SGCB: variants seen among roughly 807,000 people sequenced by gnomAD.
SGCB encodes sarcoglycan beta.
SGCB carries 25 observed loss-of-function variants against 27.3 expected under a neutral mutation model. That is an observed-to-expected ratio of 0.92 (90% CI 0.67 to 1.28). The LOEUF is 1.28. Ranked by LOEUF, SGCB falls within the 50% of genes most tolerant of loss-of-function variation. The pLI is 0.00. For synonymous variants in SGCB, 147 were observed against 133.5 expected (o/e 1.10, Z -0.70); for missense variants, 436 against 402.1 (o/e 1.08, Z -0.72).
At chr4:52,027,632 CAA>C (rs71660472) in intron 5 of SGCB, among the ~76,000 whole-genome samples, 1 of 102,092 alleles carries the variant, frequency 9.8e-6, no homozygotes, top group Admixed American at 9.6e-5. Flanking sequence ...GATCATTATA[CAA>C]AAAAAAAAAG....
chr4:52,031,039 T>A (rs1268657945), intron 2 of SGCB, among the ~76,000 whole-genome samples: 1 of 152,218 alleles, frequency 6.6e-6, no homozygotes, highest in Non-Finnish European at 1.5e-5. Flanking sequence ...GTATTCTTTA[T>A]ACATAACCTG....
Position 52,031,793 on chromosome 4 carries a change from T to C in SGCB, c.243+1638A>G, listed in dbSNP as rs1737253298. Reference sequence around the variant, plus strand: ...GTATTCATACTTAGTGATGAATTCATAGAAAATTATTTGAGGGGTAGGGCT... The same window carrying C: ...GTATTCATACTTAGTGATGAATTCACAGAAAATTATTTGAGGGGTAGGGCT... On this transcript the variant is annotated intron_variant, in intron 2 of 5. Transcript: ENST00000381431. The C allele has an allele frequency of 1.2e-5, 5 of 401,854 alleles. 1 individual carries two copies. Among genetic ancestry groups the C allele is most frequent in the South Asian group, 3.7e-5 (2 of 54,568 alleles). The allele number at this position is 401,854 out of a possible 1,614,324, so 24.9% of individuals were successfully genotyped here.
intron 5 of SGCB, among the ~76,000 whole-genome samples, chr4:52,024,827 C>CAAAAAA (rs3050627): frequency 1.8e-5 from 1 of 55,878 alleles, no homozygotes; most frequent in Non-Finnish European, 3.0e-5. Flanking sequence ...GACACTGTCT[C>CAAAAAA]AAAAAAAAAA....
Position 52,023,567 on chromosome 4 carries a change from T to C in SGCB, c.*390A>G, listed in dbSNP as rs780224947. 5.2e-6 allele frequency: 1 copy of C among 192,778 alleles called. No homozygotes were observed. The highest frequency in any genetic ancestry group is 1.1e-5 in the Non-Finnish European group (1 of 91,740). 11.9% of individuals were successfully genotyped at this position (192,778 alleles called of 1,614,324 possible). A position where few individuals can be genotyped will look rare whatever the true frequency, so the allele number is the denominator to read the frequency against. The stretch of plus-strand genomic sequence containing the variant: ...GGCAGAGCATGAAACGCTGATGCCA[T>C]ACCTTTTTAAATATCTTAAGTGGGT... On this transcript the variant is annotated 3_prime_UTR_variant, in exon 6 of 6. Transcript: ENST00000381431.
rs775763938 is a variant in SGCB at position 52,033,632 on chromosome 4, G to T, written c.42C>A (p.Ser14=). The change falls in exon 2 of 6, where the codon TCC becomes TCA. Residue 14 remains serine, a synonymous_variant. Transcript: ENST00000381431. ...GCATGGACTTCTTTACAGGACCATTGGAACTTTGCTAAAAATGAAATACAA... is the reference window on the plus strand; with the variant it reads ...GCATGGACTTCTTTACAGGACCATTTGAACTTTGCTAAAAATGAAATACAA... The part of the protein sequence containing the change: ...AAAAAAEQQS[S]NGPVKKSMRE... 8 of 1,612,596 alleles carry T rather than the reference G, an allele frequency of 5.0e-6. No individual in the cohort carries two copies. The highest frequency in any genetic ancestry group is 6.8e-6 in the Non-Finnish European group (8 of 1,178,746).
rs780224947 is a variant in SGCB at position 52,023,567 on chromosome 4, T to G, written c.*390A>C. Reference sequence around the variant, plus strand: ...GGCAGAGCATGAAACGCTGATGCCATACCTTTTTAAATATCTTAAGTGGGT... The same window carrying G: ...GGCAGAGCATGAAACGCTGATGCCAGACCTTTTTAAATATCTTAAGTGGGT... On this transcript the variant is annotated 3_prime_UTR_variant, in exon 6 of 6. Coordinates refer to ENST00000381431, the MANE Select transcript of SGCB (RefSeq NM_000232.5). 2.6e-5 allele frequency: 5 copies of G among 192,896 alleles called. No individual in the cohort carries two copies. Among genetic ancestry groups the G allele is most frequent in the Admixed American group, 5.4e-5 (1 of 18,536 alleles). 11.9% of individuals were successfully genotyped at this position (192,896 alleles called of 1,614,324 possible).
At chr4:52,026,661 G>T (rs1037899100) in intron 5 of SGCB, among the ~76,000 whole-genome samples, 1 of 152,102 alleles carries the variant, frequency 6.6e-6, no homozygotes, top group Non-Finnish European at 1.5e-5. Flanking sequence ...TATTAACGAA[G>T]TTATAAAGCT....
Position 52,023,453 on chromosome 4 carries a change from A to G in SGCB, c.*504T>C, listed in dbSNP as rs998745083. 2.6e-5 allele frequency: 4 copies of G among 154,430 alleles called. No homozygotes were observed. Among genetic ancestry groups the G allele is most frequent in the African/African-American group, 9.6e-5 (4 of 41,476 alleles). The allele number at this position is 154,430 out of a possible 1,614,324, so 9.6% of individuals were successfully genotyped here. A position where few individuals can be genotyped will look rare whatever the true frequency, so the allele number is the denominator to read the frequency against. Reference sequence around the variant, plus strand: ...ACCATTGTTTCTATCTCACATATGTAAAGTTCTTTAATGACTTCACTTGCA... The same window carrying G: ...ACCATTGTTTCTATCTCACATATGTGAAGTTCTTTAATGACTTCACTTGCA... On this transcript the variant is annotated 3_prime_UTR_variant, in exon 6 of 6. Coordinates refer to ENST00000381431, the MANE Select transcript of SGCB (RefSeq NM_000232.5).
chr4:52,031,618 A>C (rs1194414192), intron 2 of SGCB, among the ~76,000 whole-genome samples: 1 of 151,754 alleles, frequency 6.6e-6, no homozygotes, highest in East Asian at 1.9e-4. Context: ...CTCTGAAAAT[A>C]CTGAATTTAG....
chr4:52,031,406 A>ATGTGTGTGTGTGTGTG (rs57599198), intron 2 of SGCB, among the ~76,000 whole-genome samples: 11 of 142,818 alleles, frequency 7.7e-5, no homozygotes, highest in East Asian at 2.1e-4. Context: ...GTGTGTGTGT[A>ATGTGTGTGTGTGTGTG]TGTGTGTGTG....
chr4:52,023,348 T>C lies in SGCB; in HGVS notation c.*609A>G, dbSNP rs1041215949. ...AGATGGTGTTTTAATTTCCACCACA[T>C]TGTGAACAATTGATAGTTATCATTA... On this transcript the variant is annotated 3_prime_UTR_variant, in exon 6 of 6. Coordinates refer to ENST00000381431, the MANE Select transcript of SGCB (RefSeq NM_000232.5). 1 of 152,918 alleles carries C rather than the reference T, an allele frequency of 6.5e-6. No individual in the cohort carries two copies. The highest frequency in any genetic ancestry group is 2.4e-5 in the African/African-American group (1 of 41,464). The allele number at this position is 152,918 out of a possible 1,614,324, so 9.5% of individuals were successfully genotyped here.
At chr4:52,029,538 C>T (rs965894816) in intron 3 of SGCB, 140 bp downstream of exon 3, 3 of 554,172 alleles carry the variant, frequency 5.4e-6, no homozygotes, top group African/African-American at 3.8e-5. Context: ...TATATTCATA[C>T]ATTTATAGAT....
In SGCB at chr4:52,023,928, T is replaced by C. The variant is rs1388252642; in HGVS notation, c.*29A>G. The stretch of plus-strand genomic sequence containing the variant: ...TGCATAAAAAAGTCAAGTCAAGATA[T>C]AAACATGTTGGTGACCTCTGGGGTT... On this transcript the variant is annotated 3_prime_UTR_variant, in exon 6 of 6. Transcript: ENST00000381431. 8 of 1,583,614 alleles carry C rather than the reference T, an allele frequency of 5.1e-6. No homozygotes were observed. The highest frequency in any genetic ancestry group is 4.0e-5 in the African/African-American group (3 of 74,310).
intron 3 of SGCB, 55 bp downstream of exon 3, chr4:52,029,623 T>C: frequency 8.3e-7 from 1 of 1,206,756 alleles, no homozygotes; most frequent in Non-Finnish European, 1.2e-6. Context: ...GCAAAGTATT[T>C]TTCTCTAATG....
chr4:52,023,215 G>C lies in SGCB; in HGVS notation c.*742C>G, dbSNP rs1357161455. 1 of 152,134 alleles carries C rather than the reference G, an allele frequency of 6.6e-6. No individual in the cohort carries two copies. The highest frequency in any genetic ancestry group is 1.5e-5 in the Non-Finnish European group (1 of 68,028). The allele number at this position is 152,134 out of a possible 1,614,324, so 9.4% of individuals were successfully genotyped here. On this transcript the variant is annotated 3_prime_UTR_variant, in exon 6 of 6. Coordinates refer to ENST00000381431, the MANE Select transcript of SGCB (RefSeq NM_000232.5). ...TTGGATAATACCACCTACTTGCAGGGTTGTGGTGAGAATTGGGGATATAAA... is the reference window on the plus strand; with the variant it reads ...TTGGATAATACCACCTACTTGCAGGCTTGTGGTGAGAATTGGGGATATAAA...
At chr4:52,029,910 T>A in intron 2 of SGCB, 47 bp from the exon 3 acceptor site, 1 of 1,396,322 alleles carries the variant, frequency 7.2e-7, no homozygotes, top group Non-Finnish European at 1.0e-6. Context: ...ATACATTTAA[T>A]GTAATTGGAA....
intron 5 of SGCB, among the ~76,000 whole-genome samples, chr4:52,024,888 T>C (rs536112100): frequency 1.3e-5 from 2 of 151,162 alleles, no homozygotes; most frequent in African/African-American, 4.8e-5. Context: ...TAATTTTAAT[T>C]TCCAATGTTT....
At position 52,031,400 on chromosome 4, in the gene SGCB, GTGTGTA is replaced by G. The variant is rs1377316594; in HGVS notation, c.244-1543_244-1538del. Among the ~76,000 whole-genome samples, 140 of 42,374 alleles carry G rather than the reference GTGTGTA, an allele frequency of 3.3e-3. 1 individual carries two copies. The highest frequency in any genetic ancestry group is 5.7e-3 in the African/African-American group (121 of 21,334). The allele number at this position is 42,374 out of a possible 152,430, so 27.8% of individuals were successfully genotyped here. A position where few individuals can be genotyped will look rare whatever the true frequency, so the allele number is the denominator to read the frequency against. On this transcript the variant is annotated intron_variant, in intron 2 of 5. Coordinates refer to ENST00000381431, the MANE Select transcript of SGCB (RefSeq NM_000232.5). ...CACCCACCCATTCATCTCTGTGTGT[GTGTGTA>G]TGTGTGTGTGTGTGTGTGTGTGTGT... is the stretch of plus-strand genomic sequence containing the variant.
intron 1 of SGCB, 129 bp downstream of exon 1, chr4:52,038,098 C>CCAA (rs2109380541): frequency 4.7e-4 from 91 of 193,848 alleles, no homozygotes; most frequent in Middle Eastern, 2.5e-3. Context: ...CCGCCCCGAT[C>CCAA]GGCCCCGCCG....
Sources: gnomAD v4.1 joint callset for allele counts (sites outside exome capture counted in the v4.1 genomes callset) on GRCh38, gnomAD v4.1.1 for gene constraint, MANE v1.5 for transcripts, NCBI Gene and HGNC (gene_info 2026-07-23, HGNC 2026-07-21) for gene names.